The following SHISA6 variants were observed in gnomAD, a reference collection of about 807,000 sequenced individuals.
SHISA6 encodes shisa family member 6.
A neutral mutation model predicts 47.9 loss-of-function variants in SHISA6; 22 were observed. The observed-to-expected ratio is 0.46, with a 90% CI of 0.33 to 0.66. The LOEUF (loss-of-function observed/expected upper bound fraction) is 0.66. SHISA6 is among the 30% of genes least tolerant of loss of function. The probability of loss-of-function intolerance (pLI) is 0.02; values close to 1 mark genes in which losing one functional copy is unlikely to be tolerated. For missense variants in SHISA6, 680 were observed against 764.6 expected, an observed-to-expected ratio of 0.89 and a Z score of 1.30; for synonymous variants, 388 against 337.8, an observed-to-expected ratio of 1.15 and a Z score of -1.63.
intron 3 of SHISA6, among the ~76,000 whole-genome samples, chr17:11,449,690 A>G (rs1009962962): frequency 2.0e-5 from 3 of 152,168 alleles, no homozygotes; most frequent in Admixed American, 1.3e-4. Context: ...ACAAAAAGAT[A>G]CATTCATTTT....
At chr17:11,369,684 C>T (rs1912564824) in intron 2 of SHISA6, among the ~76,000 whole-genome samples, 2 of 152,200 alleles carry the variant, frequency 1.3e-5, no homozygotes, top group Admixed American at 6.5e-5. Flanking sequence ...AGCACCACAT[C>T]GTTTGCCTCT....
intron 3 of SHISA6, among the ~76,000 whole-genome samples, chr17:11,386,204 C>T (rs374241013): frequency 5.9e-5 from 9 of 152,046 alleles, no homozygotes; most frequent in East Asian, 1.9e-4. Flanking sequence ...GGCGAAACCC[C>T]GTCTCTACTA....
intron 3 of SHISA6, among the ~76,000 whole-genome samples, chr17:11,464,955 C>A (rs926105336): frequency 1.4e-5 from 2 of 139,282 alleles, no homozygotes; most frequent in African/African-American, 5.2e-5. Flanking sequence ...AAAAAAAAAA[C>A]CCTTTTATAA....
chr17:11,503,182 T>C (rs1042955011), intron 3 of SHISA6, among the ~76,000 whole-genome samples: 2 of 152,152 alleles, frequency 1.3e-5, no homozygotes, highest in Non-Finnish European at 2.9e-5. Context: ...GTGACTTGAC[T>C]GAGATCGCTG....
intron 3 of SHISA6, among the ~76,000 whole-genome samples, chr17:11,419,816 G>T (rs909324195): frequency 6.6e-6 from 1 of 152,168 alleles, no homozygotes; most frequent in African/African-American, 2.4e-5. Flanking sequence ...ACCTTGAACA[G>T]TAATAACAAT....
chr17:11,358,366 CT>C (rs926354630), intron 2 of SHISA6, among the ~76,000 whole-genome samples: 70 of 148,780 alleles, frequency 4.7e-4, no homozygotes, highest in African/African-American at 1.6e-3. Flanking sequence ...TGACAGGATT[CT>C]TTTTTTTTTG....
chr17:11,507,295 G>A (rs1326285019), intron 3 of SHISA6, among the ~76,000 whole-genome samples: 2 of 152,148 alleles, frequency 1.3e-5, no homozygotes, highest in Non-Finnish European at 2.9e-5. Context: ...TCCTTACAAG[G>A]AGCACATAAG....
chr17:11,328,362 A>C (rs908002206), intron 2 of SHISA6, among the ~76,000 whole-genome samples: 3 of 152,214 alleles, frequency 2.0e-5, no homozygotes, highest in African/African-American at 7.2e-5. Flanking sequence ...TCGGAGCCAC[A>C]GCTCTGGGGC....
At chr17:11,475,565 G>A (rs2221937) in intron 3 of SHISA6, among the ~76,000 whole-genome samples, 26,768 of 151,914 alleles carry the variant, frequency 0.18, 2,547 homozygotes, top group East Asian at 0.29. Context: ...TTAGCCTGTT[G>A]ATGTGATGGA....
chr17:11,334,295 T>C (rs1015682411), intron 2 of SHISA6, among the ~76,000 whole-genome samples: 12 of 152,050 alleles, frequency 7.9e-5, no homozygotes, highest in Non-Finnish European at 1.6e-4. Flanking sequence ...CCAGCTGGTG[T>C]TTGAAAGGTT....
chr17:11,277,672 T>A (rs917420498), intron 2 of SHISA6, among the ~76,000 whole-genome samples: 2 of 152,164 alleles, frequency 1.3e-5, no homozygotes, highest in African/African-American at 2.4e-5. Context: ...TTCTCTCTTC[T>A]GTGAAAGAAG....
intron 2 of SHISA6, among the ~76,000 whole-genome samples, chr17:11,334,414 G>GA (rs1360973488): frequency 1.3e-5 from 2 of 152,198 alleles, no homozygotes; most frequent in Non-Finnish European, 2.9e-5. Flanking sequence ...CCCTGGACCT[G>GA]AAAATCACTG....
At chr17:11,487,090 G>A (rs776387147) in intron 3 of SHISA6, among the ~76,000 whole-genome samples, 1 of 152,118 alleles carries the variant, frequency 6.6e-6, no homozygotes, top group Non-Finnish European at 1.5e-5. Context: ...TTTACTCCCC[G>A]GCCCTTTACA....
At chr17:11,521,817 A>C (rs893169014) in intron 3 of SHISA6, among the ~76,000 whole-genome samples, 3 of 152,082 alleles carry the variant, frequency 2.0e-5, no homozygotes, top group African/African-American at 7.2e-5. Flanking sequence ...AAACAAGATA[A>C]ACTAGCTAGA....
intron 3 of SHISA6, among the ~76,000 whole-genome samples, chr17:11,424,373 C>G (rs761882579): frequency 6.6e-6 from 1 of 151,906 alleles, no homozygotes; most frequent in Non-Finnish European, 1.5e-5. Context: ...CATCATCAAC[C>G]ATCAATTTAT....
chr17:11,307,191 G>T (rs1910150435), intron 2 of SHISA6, among the ~76,000 whole-genome samples: 2 of 147,968 alleles, frequency 1.4e-5, no homozygotes, highest in Non-Finnish European at 1.5e-5. Context: ...TAAGTTTTAG[G>T]GATATATTTA....
chr17:11,259,307 T>G (rs576855968), intron 1 of SHISA6, among the ~76,000 whole-genome samples: 2 of 152,294 alleles, frequency 1.3e-5, no homozygotes, highest in African/African-American at 4.8e-5. Flanking sequence ...ACATAACCTC[T>G]AAAAGTTTTC....
rs183971635 is a variant in SHISA6 at position 11,263,282 on chromosome 17, G to A, written c.639-84G>A. The A allele has an allele frequency of 1.5e-4, 207 of 1,361,388 alleles. 1 individual carries two copies. The African/African-American group carries it at 2.6e-3, about 17-fold the overall frequency. The allele number at this position is 1,361,388 out of a possible 1,614,324, so 84.3% of individuals were successfully genotyped here. A position where few individuals can be genotyped will look rare whatever the true frequency, so the allele number is the denominator to read the frequency against. On this transcript the variant is annotated intron_variant, in intron 1 of 5. Transcript: ENST00000441885. The stretch of plus-strand genomic sequence containing the variant: ...TCTTCCTGCATCTCTGTAAATCAAA[G>A]GGCATATGAAAGTAAGCCAACTCCC...
At chr17:11,551,674 G>A (rs2071932952) in intron 3 of SHISA6, among the ~76,000 whole-genome samples, 1 of 152,132 alleles carries the variant, frequency 6.6e-6, no homozygotes, top group Non-Finnish European at 1.5e-5. Context: ...CCGAGATGTG[G>A]GTGGGTCACC....
Sources: allele counts gnomAD v4.1 joint callset (sites outside exome capture counted in the v4.1 genomes callset), GRCh38; gene constraint gnomAD v4.1.1; transcripts MANE v1.5; gene names NCBI Gene and HGNC (gene_info 2026-07-23, HGNC 2026-07-21).